TFEC: variants seen among roughly 807,000 people sequenced by gnomAD.
TFEC encodes class E basic helix-loop-helix protein 34.
In TFEC, 31 loss-of-function variants were observed where a neutral mutation model predicts 41.6. The observed-to-expected ratio is 0.74, with a 90% CI of 0.56 to 1.01. TFEC has a LOEUF of 1.01. Among genes scored for constraint, TFEC ranks in the 50% least tolerant of loss-of-function variants. The pLI is 0.00. For synonymous variants in TFEC, 143 were observed against 140.6 expected, an observed-to-expected ratio of 1.02 and a Z score of -0.12; for missense variants, 402 against 404.1, an observed-to-expected ratio of 0.99 and a Z score of 0.04.
intron 1 of TFEC, among the ~76,000 whole-genome samples, chr7:115,992,226 T>C (rs977496139): frequency 1.3e-5 from 2 of 152,192 alleles, no homozygotes; most frequent in African/African-American, 4.8e-5. Flanking sequence ...GGGAAATTTA[T>C]AGCACTAAAT....
At chr7:116,055,624 T>C (rs1011683626) in intron 3 of TFEC, among the ~76,000 whole-genome samples, 11 of 152,040 alleles carry the variant, frequency 7.2e-5, no homozygotes, top group Non-Finnish European at 1.3e-4. Flanking sequence ...ATTTAAACTT[T>C]ATAACTTTTA....
At chr7:116,040,545 A>T (rs187347195) in intron 3 of TFEC, among the ~76,000 whole-genome samples, 1 of 152,298 alleles carries the variant, frequency 6.6e-6, no homozygotes, top group East Asian at 1.9e-4. Context: ...TTTGCTTTAC[A>T]ATAGCATTTT....
chr7:115,993,956 T>C (rs892626067), intron 1 of TFEC, among the ~76,000 whole-genome samples: 2 of 152,148 alleles, frequency 1.3e-5, no homozygotes, highest in Non-Finnish European at 2.9e-5. Context: ...CTTCAAACTA[T>C]ACTACAAGGC....
intron 2 of TFEC, among the ~76,000 whole-genome samples, chr7:116,111,576 T>G (rs1467141002): frequency 6.6e-6 from 1 of 152,030 alleles, no homozygotes; most frequent in Non-Finnish European, 1.5e-5. Flanking sequence ...ATTTCTGGCT[T>G]GAGCTATGGC....
intron 1 of TFEC, among the ~76,000 whole-genome samples, chr7:116,029,508 T>C (rs1466398206): frequency 6.6e-6 from 1 of 152,158 alleles, no homozygotes; most frequent in Admixed American, 6.6e-5. Flanking sequence ...TTTACACTCT[T>C]ATAGTTAAAT....
At chr7:116,043,339 A>G (rs1796085427) in intron 3 of TFEC, among the ~76,000 whole-genome samples, 1 of 152,150 alleles carries the variant, frequency 6.6e-6, no homozygotes, top group African/African-American at 2.4e-5. Flanking sequence ...TTCATTAATA[A>G]TAGATGCCTC....
At chr7:116,040,407 T>C (rs77876136) in intron 3 of TFEC, among the ~76,000 whole-genome samples, 167 of 152,324 alleles carry the variant, frequency 1.1e-3, no homozygotes, top group African/African-American at 3.8e-3. Flanking sequence ...TCATAAAAGA[T>C]ATTCTTTGGC....
chr7:116,053,094 T>C (rs1255242066), intron 3 of TFEC, among the ~76,000 whole-genome samples: 1 of 151,856 alleles, frequency 6.6e-6, no homozygotes, highest in Non-Finnish European at 1.5e-5. Flanking sequence ...GAAAGAAATG[T>C]CATGGAAGGT....
intron 3 of TFEC, among the ~76,000 whole-genome samples, chr7:116,105,529 C>A (rs1037525458): frequency 2.0e-5 from 3 of 152,156 alleles, no homozygotes; most frequent in African/African-American, 7.2e-5. Flanking sequence ...TGAGGGGCAG[C>A]AACCAAAATA....
upstream of TFEC, among the ~76,000 whole-genome samples, chr7:116,031,000 T>C (rs1795766600): frequency 6.6e-6 from 1 of 152,134 alleles, no homozygotes; most frequent in Admixed American, 6.6e-5. Flanking sequence ...TTGGTCCCAT[T>C]GTGGCTCCAT....
At chr7:116,011,365 G>T (rs1794993793) in intron 1 of TFEC, among the ~76,000 whole-genome samples, 1 of 151,930 alleles carries the variant, frequency 6.6e-6, no homozygotes. Flanking sequence ...GACCTCATAA[G>T]GTGTCATGAT....
At chr7:115,961,292 A>G (rs1792534448) in intron 3 of TFEC, among the ~76,000 whole-genome samples, 1 of 151,672 alleles carries the variant, frequency 6.6e-6, no homozygotes. Flanking sequence ...TTGCCAAAAT[A>G]TTTTGAAATT....
At chr7:115,990,712 C>G (rs1366345583) in intron 1 of TFEC, among the ~76,000 whole-genome samples, 1 of 152,130 alleles carries the variant, frequency 6.6e-6, no homozygotes, top group African/African-American at 2.4e-5. Context: ...ACAAAGCCAT[C>G]AAGAAATATG....
intron 1 of TFEC, among the ~76,000 whole-genome samples, chr7:115,995,181 A>T (rs1404043983): frequency 8.1e-6 from 1 of 123,354 alleles, no homozygotes; most frequent in Non-Finnish European, 1.6e-5. Flanking sequence ...GGAACATCAC[A>T]CACTGGGGCC....
intron 1 of TFEC, among the ~76,000 whole-genome samples, chr7:116,152,882 G>A (rs961231389): frequency 1.3e-5 from 2 of 152,084 alleles, no homozygotes; most frequent in Non-Finnish European, 2.9e-5. Flanking sequence ...AGGAAAATAT[G>A]ACCAATGAGA....
At chr7:115,961,210 A>T (rs1792530093) in intron 3 of TFEC, among the ~76,000 whole-genome samples, 1 of 151,708 alleles carries the variant, frequency 6.6e-6, no homozygotes, top group Non-Finnish European at 1.5e-5. Context: ...TTTCTCAAGT[A>T]CATATGGAAC....
chr7:116,124,296 T>G (rs1798168354), intron 1 of TFEC, among the ~76,000 whole-genome samples: 1 of 152,070 alleles, frequency 6.6e-6, no homozygotes, highest in African/African-American at 2.4e-5. Flanking sequence ...AAAAAGAAAT[T>G]GTTATTAAAC....
chr7:116,112,320 C>T (rs1797873299), intron 1 of TFEC, among the ~76,000 whole-genome samples: 1 of 151,992 alleles, frequency 6.6e-6, no homozygotes, highest in Non-Finnish European at 1.5e-5. Context: ...AGATGTTCCA[C>T]TTGTATACAG....
chr7:115,952,670 G>T (rs968377103), intron 5 of TFEC, among the ~76,000 whole-genome samples: 1 of 152,016 alleles, frequency 6.6e-6, no homozygotes, highest in African/African-American at 2.4e-5. Context: ...GCTCCCAATG[G>T]TGTTCATACC....
Sources: gnomAD v4.1 joint callset for allele counts (sites outside exome capture counted in the v4.1 genomes callset) on GRCh38, gnomAD v4.1.1 for gene constraint, MANE v1.5 for transcripts, NCBI Gene and HGNC (gene_info 2026-07-23, HGNC 2026-07-21) for gene names.